Variants in RPS6KC1 observed in about 807,000 individuals in gnomAD.
The protein encoded by RPS6KC1 is inactive ribosomal protein S6 kinase delta-1.
RPS6KC1 carries 54 observed loss-of-function variants against 103.8 expected under a neutral mutation model. The ratio of observed to expected loss-of-function variants is 0.52; its 90% CI spans 0.42 to 0.65. The LOEUF is 0.65. Ranked by LOEUF, RPS6KC1 falls within the 30% of genes least tolerant of loss-of-function variation. The pLI, the probability that RPS6KC1 is intolerant of heterozygous loss-of-function variation, is 0.00. For missense variants in RPS6KC1, 1,151 were observed against 1,253.8 expected (o/e 0.92, Z 1.24); for synonymous variants, 439 against 438.7 (o/e 1.00, Z -0.01).
chr1:213,228,479 G>C lies in RPS6KC1; in HGVS notation c.1045-2018G>C, dbSNP rs775503827. 2.0e-5 allele frequency among the ~76,000 whole-genome samples: 3 copies of C among 152,000 alleles called. No individual in the cohort carries two copies. The South Asian group carries it at 6.2e-4, about 32-fold the overall frequency. ...CTTATCCCTGTAATCTCAGCACTTT[G>C]AGAGGCCAAGGCAGGAGGATTGCTT... On this transcript the variant is annotated intron_variant, in intron 8 of 14. Coordinates refer to ENST00000366960, the MANE Select transcript of RPS6KC1 (RefSeq NM_012424.6).
the RPS6KC1 span, among the ~76,000 whole-genome samples, chr1:213,685,809 T>G: frequency 6.6e-6 from 1 of 152,222 alleles, no homozygotes; most frequent in Non-Finnish European, 1.5e-5. Context: ...TAAAAGTGTC[T>G]GTTAAATTGA....
chr1:213,615,528 C>T, the RPS6KC1 span, among the ~76,000 whole-genome samples: 1 of 152,218 alleles, frequency 6.6e-6, no homozygotes, highest in African/African-American at 2.4e-5. Flanking sequence ...CTGGTTGTGG[C>T]TGAGGCTTTC....
At chr1:213,664,205 T>TGG in the RPS6KC1 span, among the ~76,000 whole-genome samples, 5 of 44,898 alleles carry the variant, frequency 1.1e-4, no homozygotes, top group Admixed American at 2.4e-4. Flanking sequence ...GGGGGCGGGG[T>TGG]GGGGAGGGGA....
intron 1 of RPS6KC1, among the ~76,000 whole-genome samples, chr1:213,060,057 A>G (rs1157450342): frequency 6.6e-6 from 1 of 152,144 alleles, no homozygotes; most frequent in Non-Finnish European, 1.5e-5. Context: ...GCCTCAGGTG[A>G]TCCGCCCACC....
the RPS6KC1 span, among the ~76,000 whole-genome samples, chr1:213,507,062 G>GT: frequency 6.6e-6 from 1 of 152,160 alleles, no homozygotes; most frequent in Admixed American, 6.5e-5. Flanking sequence ...TCTGTAAGAT[G>GT]TATCTCCCCT....
chr1:213,318,217 G>T, the RPS6KC1 span, among the ~76,000 whole-genome samples: 1 of 152,160 alleles, frequency 6.6e-6, no homozygotes, highest in Admixed American at 6.5e-5. Flanking sequence ...GGTTCCTTTG[G>T]ACCCCTGGAT....
the RPS6KC1 span, among the ~76,000 whole-genome samples, chr1:213,732,967 A>G: frequency 0.27 from 41,014 of 151,958 alleles, 6,183 homozygotes; most frequent in African/African-American, 0.39. Flanking sequence ...GTCTGAAATG[A>G]CAGGATTCCC....
intron 8 of RPS6KC1, among the ~76,000 whole-genome samples, chr1:213,221,189 T>C (rs1028144200): frequency 1.1e-4 from 16 of 152,206 alleles, no homozygotes; most frequent in African/African-American, 3.9e-4. Context: ...TAAATATGAC[T>C]AGACTTTTTT....
the RPS6KC1 span, among the ~76,000 whole-genome samples, chr1:213,849,708 T>A: frequency 6.6e-6 from 1 of 152,192 alleles, no homozygotes; most frequent in African/African-American, 2.4e-5. Context: ...ATTCTCAAGA[T>A]CTATAATACT....
chr1:213,313,533 G>A, the RPS6KC1 span, among the ~76,000 whole-genome samples: 2 of 152,016 alleles, frequency 1.3e-5, no homozygotes, highest in Non-Finnish European at 2.9e-5. Flanking sequence ...CATTCTTGCC[G>A]TTTCTCCTGC....
the RPS6KC1 span, among the ~76,000 whole-genome samples, chr1:213,520,265 A>T: frequency 6.6e-6 from 1 of 152,222 alleles, no homozygotes; most frequent in Non-Finnish European, 1.5e-5. Flanking sequence ...AGACAAAGGA[A>T]GAGCAAAGGG....
the RPS6KC1 span, among the ~76,000 whole-genome samples, chr1:213,774,408 T>A: frequency 6.6e-6 from 1 of 152,084 alleles, no homozygotes; most frequent in African/African-American, 2.4e-5. Flanking sequence ...AGTCAGCTCT[T>A]CCTAAAAGCA....
intron 1 of RPS6KC1, among the ~76,000 whole-genome samples, chr1:213,059,024 G>A (rs984697487): frequency 6.6e-6 from 1 of 152,142 alleles, no homozygotes; most frequent in East Asian, 1.9e-4. Context: ...ATTGTCAATA[G>A]TATTTTTAAA....
chr1:213,466,430 G>C, the RPS6KC1 span, among the ~76,000 whole-genome samples: 1 of 152,190 alleles, frequency 6.6e-6, no homozygotes, highest in Non-Finnish European at 1.5e-5. Flanking sequence ...ATGATCTAGA[G>C]AGAGTGCTTT....
At chr1:213,399,109 G>A in the RPS6KC1 span, among the ~76,000 whole-genome samples, 1 of 152,192 alleles carries the variant, frequency 6.6e-6, no homozygotes, top group South Asian at 2.1e-4. Flanking sequence ...CAAGGGAAAG[G>A]CTTCACTTAA....
At chr1:213,352,530 G>A in the RPS6KC1 span, among the ~76,000 whole-genome samples, 13 of 152,272 alleles carry the variant, frequency 8.5e-5, no homozygotes, top group African/African-American at 3.1e-4. Context: ...CAAGGGAAGT[G>A]AAGGTCTTTT....
the RPS6KC1 span, among the ~76,000 whole-genome samples, chr1:213,752,409 A>C: frequency 6.6e-6 from 1 of 152,180 alleles, no homozygotes; most frequent in Non-Finnish European, 1.5e-5. Context: ...AACATTATTG[A>C]CAAATCGATG....
chr1:213,748,779 A>G, the RPS6KC1 span, among the ~76,000 whole-genome samples: 1 of 152,230 alleles, frequency 6.6e-6, no homozygotes. Context: ...GAGGAGAGAT[A>G]TATCACCTTT....
At chr1:213,650,791 A>T in the RPS6KC1 span, among the ~76,000 whole-genome samples, 2 of 152,266 alleles carry the variant, frequency 1.3e-5, no homozygotes, top group South Asian at 4.2e-4. Flanking sequence ...CAAACCAATC[A>T]ATAAGCTAAA....
Sources: gnomAD v4.1 joint callset for allele counts (sites outside exome capture counted in the v4.1 genomes callset) on GRCh38, gnomAD v4.1.1 for gene constraint, MANE v1.5 for transcripts, NCBI Gene and HGNC (gene_info 2026-07-23, HGNC 2026-07-21) for gene names.